SCHIP1: variants seen among roughly 807,000 people sequenced by gnomAD.
SCHIP1 encodes the protein schwannomin-interacting protein 1.
In SCHIP1, 8 loss-of-function variants were observed where a neutral mutation model predicts 29.7. The ratio of observed to expected loss-of-function variants is 0.27; its 90% CI spans 0.16 to 0.49. The LOEUF (loss-of-function observed/expected upper bound fraction) is 0.49, where lower values mean the gene tolerates loss of function less well. Among genes scored for constraint, SCHIP1 ranks in the 20% least tolerant of loss-of-function variants. SCHIP1 has a pLI of 0.99. For missense variants in SCHIP1, 193 were observed against 294.6 expected, an observed-to-expected ratio of 0.66 and a Z score of 2.52; for synonymous variants, 76 against 94.9, an observed-to-expected ratio of 0.80 and a Z score of 1.16.
the SCHIP1 span, among the ~76,000 whole-genome samples, chr3:159,382,594 T>C: frequency 6.6e-6 from 1 of 152,162 alleles, no homozygotes; most frequent in South Asian, 2.1e-4. Context: ...TATAGCAGCA[T>C]GATTTATAAT....
At chr3:159,363,976 G>C in the SCHIP1 span, among the ~76,000 whole-genome samples, 2 of 152,098 alleles carry the variant, frequency 1.3e-5, no homozygotes, top group African/African-American at 2.4e-5. Context: ...GAATTTCTTT[G>C]GACAAAGCAA....
At chr3:159,814,687 G>A in the SCHIP1 span, among the ~76,000 whole-genome samples, 2 of 152,220 alleles carry the variant, frequency 1.3e-5, no homozygotes, top group South Asian at 2.1e-4. Flanking sequence ...GTGTAGCCCA[G>A]GTATCAGCTC....
the SCHIP1 span, among the ~76,000 whole-genome samples, chr3:159,833,893 CTTG>C: frequency 2.6e-5 from 4 of 152,314 alleles, no homozygotes; most frequent in Non-Finnish European, 5.9e-5. Context: ...AATTCCTTAT[CTTG>C]CTCACTCCCC....
At chr3:159,409,398 C>G in the SCHIP1 span, among the ~76,000 whole-genome samples, 1 of 152,030 alleles carries the variant, frequency 6.6e-6, no homozygotes, top group African/African-American at 2.4e-5. Flanking sequence ...AAAGATTCCA[C>G]CAAAAACCTA....
chr3:159,730,120 G>T, the SCHIP1 span, among the ~76,000 whole-genome samples: 1 of 152,072 alleles, frequency 6.6e-6, no homozygotes, highest in East Asian at 1.9e-4. Flanking sequence ...TTTCATAATT[G>T]TTATCTTTAA....
the SCHIP1 span, among the ~76,000 whole-genome samples, chr3:159,636,190 G>C: frequency 8.5e-5 from 13 of 152,296 alleles, no homozygotes; most frequent in Admixed American, 7.8e-4. Flanking sequence ...TGGGACAACA[G>C]GCATGTGCCA....
the SCHIP1 span, among the ~76,000 whole-genome samples, chr3:159,593,820 A>C: frequency 2.5e-4 from 38 of 152,352 alleles, no homozygotes; most frequent in African/African-American, 8.4e-4. Flanking sequence ...AGATCATGCT[A>C]CTGCAAATGC....
chr3:159,452,178 A>G, the SCHIP1 span, among the ~76,000 whole-genome samples: 8 of 151,800 alleles, frequency 5.3e-5, no homozygotes, highest in African/African-American at 1.9e-4. Flanking sequence ...CATGTGCAGA[A>G]CATGCAGGTT....
the SCHIP1 span, among the ~76,000 whole-genome samples, chr3:159,694,733 C>T: frequency 6.6e-6 from 1 of 152,170 alleles, no homozygotes; most frequent in African/African-American, 2.4e-5. Flanking sequence ...CTCTTGGGCT[C>T]ATTAATTCCA....
the SCHIP1 span, among the ~76,000 whole-genome samples, chr3:159,497,331 C>T: frequency 0.12 from 17,747 of 151,820 alleles, 1,049 homozygotes; most frequent in South Asian, 0.13. Context: ...CACTCTTTAT[C>T]AATAAAGACC....
the SCHIP1 span, among the ~76,000 whole-genome samples, chr3:159,657,049 C>T: frequency 6.6e-6 from 1 of 152,146 alleles, no homozygotes; most frequent in South Asian, 2.1e-4. Context: ...CGAATGCACA[C>T]ACCAAATAAA....
At chr3:159,511,584 C>T in the SCHIP1 span, among the ~76,000 whole-genome samples, 2 of 152,176 alleles carry the variant, frequency 1.3e-5, no homozygotes, top group African/African-American at 4.8e-5. Context: ...TAGACTGGAG[C>T]TGTTCCTATT....
At chr3:159,396,410 T>A in the SCHIP1 span, among the ~76,000 whole-genome samples, 1 of 147,282 alleles carries the variant, frequency 6.8e-6, no homozygotes, top group African/African-American at 2.5e-5. Flanking sequence ...AGTTTCTTCC[T>A]AGTCTCGATG....
chr3:159,354,991 C>T, the SCHIP1 span, among the ~76,000 whole-genome samples: 1 of 152,118 alleles, frequency 6.6e-6, no homozygotes, highest in African/African-American at 2.4e-5. Flanking sequence ...CATTGCCTCC[C>T]ATAGATATTC....
the SCHIP1 span, chr3:159,763,930 C>CGGGCGGGGAAG: frequency 1.3e-5 from 2 of 149,522 alleles, no homozygotes; most frequent in Admixed American, 6.6e-5. Flanking sequence ...CTCCCAGCCG[C>CGGGCGGGGAAG]GGGCGGGGAA....
the SCHIP1 span, among the ~76,000 whole-genome samples, chr3:159,428,334 CAA>C: frequency 6.6e-6 from 1 of 150,960 alleles, no homozygotes; most frequent in East Asian, 2.0e-4. Context: ...ACAATGAACT[CAA>C]ACAAATTTAC....
chr3:159,852,276 A>G (rs2109111303), intron 1 of SCHIP1, among the ~76,000 whole-genome samples: 1 of 152,310 alleles, frequency 6.6e-6, no homozygotes, highest in South Asian at 2.1e-4. Context: ...GCTGCTTTTT[A>G]TCTAAGCTTG....
At chr3:159,376,907 A>G in the SCHIP1 span, among the ~76,000 whole-genome samples, 4 of 152,222 alleles carry the variant, frequency 2.6e-5, no homozygotes, top group East Asian at 7.7e-4. Flanking sequence ...CTTCTGTTGC[A>G]AAGGCTATTT....
the SCHIP1 span, among the ~76,000 whole-genome samples, chr3:159,620,988 A>G: frequency 6.6e-6 from 1 of 152,214 alleles, no homozygotes; most frequent in Non-Finnish European, 1.5e-5. Flanking sequence ...TTAAGCATCT[A>G]AAAATATAAC....
Sources: gnomAD v4.1 joint callset for allele counts (sites outside exome capture counted in the v4.1 genomes callset) on GRCh38, gnomAD v4.1.1 for gene constraint, MANE v1.5 for transcripts, NCBI Gene and HGNC (gene_info 2026-07-23, HGNC 2026-07-21) for gene names.